Variants in LGSN observed in about 807,000 individuals in gnomAD.
The protein encoded by LGSN is lengsin.
A neutral mutation model predicts 19.5 loss-of-function variants in LGSN; 21 were observed. The ratio of observed to expected loss-of-function variants is 1.07; its 90% CI spans 0.76 to 1.55. The LOEUF (loss-of-function observed/expected upper bound fraction) is 1.55, where lower values mean the gene tolerates loss of function less well. Ranked by LOEUF, LGSN falls within the 40% of genes most tolerant of loss-of-function variation. LGSN has a pLI of 0.00. For synonymous variants in LGSN, 257 were observed against 215.6 expected (o/e 1.19, Z -1.68); for missense variants, 673 against 608.5 (o/e 1.11, Z -1.12).
the LGSN span, among the ~76,000 whole-genome samples, chr6:63,449,775 A>C: frequency 6.6e-6 from 1 of 152,212 alleles, no homozygotes; most frequent in Admixed American, 6.5e-5. Context: ...GTTGGATCCT[A>C]AGAAACAACA....
the LGSN span, among the ~76,000 whole-genome samples, chr6:63,504,400 C>T: frequency 9.9e-5 from 15 of 152,148 alleles, no homozygotes; most frequent in Non-Finnish European, 2.1e-4. Context: ...CACCACCACG[C>T]CCAGCTAATT....
chr6:63,356,714 G>C, the LGSN span, among the ~76,000 whole-genome samples: 4 of 152,136 alleles, frequency 2.6e-5, no homozygotes, highest in African/African-American at 4.8e-5. Flanking sequence ...CCTAGGAGAA[G>C]AGATATCTTC....
At chr6:63,534,452 A>AACAC in the LGSN span, among the ~76,000 whole-genome samples, 10,585 of 144,422 alleles carry the variant, frequency 0.073, 383 homozygotes, top group Non-Finnish European at 0.086. Flanking sequence ...CACACAGAGA[A>AACAC]ACACACACAC....
the LGSN span, among the ~76,000 whole-genome samples, chr6:63,525,475 T>C: frequency 2.0e-5 from 3 of 152,220 alleles, no homozygotes; most frequent in African/African-American, 7.2e-5. Context: ...TTCTAGCTTT[T>C]TCTAGTAGCA....
At chr6:63,441,391 G>T in the LGSN span, 1 of 463,624 alleles carries the variant, frequency 2.2e-6, no homozygotes, top group Non-Finnish European at 4.3e-6. Context: ...TTGCTCAGCT[G>T]AAGAACCTGA....
At chr6:63,363,777 C>A in the LGSN span, among the ~76,000 whole-genome samples, 1 of 152,170 alleles carries the variant, frequency 6.6e-6, no homozygotes, top group African/African-American at 2.4e-5. Context: ...AAACACTCTT[C>A]AGGGTATTAT....
chr6:63,317,066 A>G (rs1047767326), intron 1 of LGSN, among the ~76,000 whole-genome samples: 3 of 152,164 alleles, frequency 2.0e-5, no homozygotes, highest in Non-Finnish European at 2.9e-5. Context: ...ATTATATATA[A>G]TTGTTATCAT....
intron 1 of LGSN, among the ~76,000 whole-genome samples, chr6:63,310,741 A>G (rs1188831368): frequency 6.6e-6 from 1 of 152,156 alleles, no homozygotes; most frequent in Non-Finnish European, 1.5e-5. Context: ...AGATTTTTGT[A>G]AGATTAGGAA....
At chr6:63,504,382 C>T in the LGSN span, among the ~76,000 whole-genome samples, 1 of 152,150 alleles carries the variant, frequency 6.6e-6, no homozygotes, top group African/African-American at 2.4e-5. Context: ...ACTGAGACTA[C>T]AGGTGCCCAC....
chr6:63,452,107 G>A, the LGSN span, among the ~76,000 whole-genome samples: 2 of 149,924 alleles, frequency 1.3e-5, no homozygotes, highest in African/African-American at 4.9e-5. Flanking sequence ...CCCATAAAGT[G>A]AGTTGGGACA....
At chr6:63,548,902 C>A in the LGSN span, 2 of 882,994 alleles carry the variant, frequency 2.3e-6, no homozygotes, top group South Asian at 2.6e-5. Context: ...TGTATGAAGG[C>A]GACAGTGGTG....
At chr6:63,553,472 A>G in the LGSN span, among the ~76,000 whole-genome samples, 1 of 152,210 alleles carries the variant, frequency 6.6e-6, no homozygotes, top group African/African-American at 2.4e-5. Context: ...GCCTAAAAAT[A>G]AGTTCTTCTT....
the LGSN span, among the ~76,000 whole-genome samples, chr6:63,332,356 C>T: frequency 6.6e-5 from 10 of 152,078 alleles, no homozygotes; most frequent in South Asian, 2.1e-4. Context: ...GGCATTGGGA[C>T]CCAGGGGGCA....
At chr6:63,412,752 AAAGAAAGAAAG>A in the LGSN span, among the ~76,000 whole-genome samples, 2 of 94,902 alleles carry the variant, frequency 2.1e-5, no homozygotes, top group African/African-American at 7.1e-5. Flanking sequence ...AGAAAGAAAG[AAAGAAAGAAAG>A]AAAGAAAGGA....
At chr6:63,482,867 A>T in the LGSN span, among the ~76,000 whole-genome samples, 1 of 152,050 alleles carries the variant, frequency 6.6e-6, no homozygotes, top group Non-Finnish European at 1.5e-5. Context: ...TGCCCTGCTA[A>T]CTTTTGTATT....
At chr6:63,465,026 C>CAAA in the LGSN span, among the ~76,000 whole-genome samples, 19 of 123,698 alleles carry the variant, frequency 1.5e-4, no homozygotes, top group East Asian at 2.4e-4. Context: ...GATTCTGTCT[C>CAAA]AAAAAAAAAA....
chr6:63,315,618 CTGTG>C (rs10601946), intron 1 of LGSN, among the ~76,000 whole-genome samples: 15,269 of 137,592 alleles, frequency 0.11, 1,017 homozygotes, highest in African/African-American at 0.19. Flanking sequence ...CTCTCTCTCT[CTGTG>C]TGTGTGTGTG....
At chr6:63,462,430 C>T in the LGSN span, among the ~76,000 whole-genome samples, 2 of 152,100 alleles carry the variant, frequency 1.3e-5, no homozygotes, top group Admixed American at 6.6e-5. Flanking sequence ...GTCAGGAGTT[C>T]GAGACCAGCC....
At chr6:63,498,632 G>A in the LGSN span, among the ~76,000 whole-genome samples, 1 of 152,098 alleles carries the variant, frequency 6.6e-6, no homozygotes, top group Non-Finnish European at 1.5e-5. Context: ...TGTTATCAAA[G>A]GTAGTGGACA....
Sources: gnomAD v4.1 joint callset for allele counts (sites outside exome capture counted in the v4.1 genomes callset) on GRCh38, gnomAD v4.1.1 for gene constraint, MANE v1.5 for transcripts, NCBI Gene and HGNC (gene_info 2026-07-23, HGNC 2026-07-21) for gene names.